The following ZNF845 variants were observed in gnomAD, a reference collection of about 807,000 sequenced individuals.
The protein encoded by ZNF845 is zinc finger protein 845.
Under a neutral mutation model 76.1 loss-of-function variants are expected in ZNF845, and 59 were observed. The ratio of observed to expected loss-of-function variants is 0.78; its 90% CI spans 0.63 to 0.96. The LOEUF (loss-of-function observed/expected upper bound fraction) is 0.96, where lower values mean the gene tolerates loss of function less well. Ranked by LOEUF, ZNF845 falls within the 40% of genes least tolerant of loss-of-function variation. The probability of loss-of-function intolerance (pLI) is 0.00; values close to 1 mark genes in which losing one functional copy is unlikely to be tolerated. For missense variants in ZNF845, 1,045 were observed against 1,172.8 expected (o/e 0.89, Z 1.59); for synonymous variants, 361 against 386.9 (o/e 0.93, Z 0.78).
chr19:53,335,267 A>G (rs1391274389), intron 1 of ZNF845, among the ~76,000 whole-genome samples: 5 of 151,970 alleles, frequency 3.3e-5, no homozygotes, highest in African/African-American at 1.2e-4. Context: ...TTAATTAATT[A>G]ATTTATAGTT....
In ZNF845 at chr19:53,351,140, G is replaced by T. The variant is rs763776334; in HGVS notation, c.465G>T (p.Gln155His). 6.2e-6 allele frequency: 10 copies of T among 1,614,186 alleles called. No homozygotes were observed. In the Admixed American group the frequency reaches 1.5e-4, roughly 24 times the overall value. ...ATCTGCCTGAACTCCACATGTTTCAGACCGAAGGGAAAATTGGTAATCAAG... is the reference window on the plus strand; with the variant it reads ...ATCTGCCTGAACTCCACATGTTTCATACCGAAGGGAAAATTGGTAATCAAG... ...HSHLPELHMF[Q>H]TEGKIGNQVE... Residue 155 changes from glutamine (Q) to histidine (H), a missense_variant, in exon 4 of 4, where the codon CAG (glutamine) becomes CAT (histidine). Gln to His is a conservative substitution (Grantham distance 24). Transcript: ENST00000458035.
chr19:53,342,781 C>T (rs752330479), intron 2 of ZNF845, among the ~76,000 whole-genome samples: 2 of 152,126 alleles, frequency 1.3e-5, no homozygotes, highest in South Asian at 4.1e-4. Context: ...ATTATTTCAT[C>T]ACTCTGCTAT....
At position 53,337,609 on chromosome 19, in the gene ZNF845, C is replaced by G. The variant is rs145123326; in HGVS notation, c.-73-3626C>G. Among the ~76,000 whole-genome samples, 3 of 152,144 alleles carry G rather than the reference C, an allele frequency of 2.0e-5. No homozygotes were observed. In the East Asian group the frequency reaches 5.8e-4, roughly 29 times the overall value. ...TTTACTTTTGAGTTTCAATCTGTCT[C>G]CCAGGCTGGAGTGCAGTGGCGTAAT... is the stretch of plus-strand genomic sequence containing the variant. On this transcript the variant is annotated intron_variant, in intron 1 of 3. Coordinates refer to ENST00000458035, the MANE Select transcript of ZNF845 (RefSeq NM_138374.3).
At chr19:53,345,979 G>T (rs2085293801) in intron 3 of ZNF845, among the ~76,000 whole-genome samples, 1 of 151,986 alleles carries the variant, frequency 6.6e-6, no homozygotes, top group Admixed American at 6.6e-5. Flanking sequence ...GAGTAGCTGG[G>T]ATTACAGGTG....
At position 53,341,218 on chromosome 19, in the gene ZNF845, A is replaced by G; in HGVS notation, c.-73-17A>G. The G allele has an allele frequency of 2.6e-6, 4 of 1,561,192 alleles. No individual in the cohort carries two copies. The highest frequency in any genetic ancestry group is 2.2e-5 in the South Asian group (2 of 89,904). On this transcript the variant is annotated splice_polypyrimidine_tract_variant and intron_variant, in intron 1 of 3. Coordinates refer to ENST00000458035, the MANE Select transcript of ZNF845 (RefSeq NM_138374.3). ...GTGTTGATTCTGAGCAATAAACAAC[A>G]TATTTTTAACATTCAGGATTGACTT...
Position 53,352,380 on chromosome 19 carries a change from C to T in ZNF845, c.1705C>T (p.His569Tyr), listed in dbSNP as rs2085346388. Residue 569 changes from histidine (H) to tyrosine (Y), a missense_variant, in exon 4 of 4, where the codon CAT (histidine) becomes TAT (tyrosine). By Grantham distance (83) the His-to-Tyr change is moderately conservative. Transcript: ENST00000458035. ...TCGTGGGCAGTCAGCACTTATTTAC[C>T]ATCAAGCAATCCATGGTATAGGGAA... ...AFRGQSALIY[H>Y]QAIHGIGKLY... The T allele has an allele frequency of 6.2e-7, 1 of 1,613,666 alleles. No homozygotes were observed. Among genetic ancestry groups the T allele is most frequent in the Admixed American group, 1.7e-5 (1 of 59,990 alleles).
At chr19:53,344,478 C>T (rs1409480252) in intron 2 of ZNF845, among the ~76,000 whole-genome samples, 1 of 151,926 alleles carries the variant, frequency 6.6e-6, no homozygotes, top group East Asian at 1.9e-4. Context: ...GTGGAGGTTG[C>T]AGTGAACTGA....
At chr19:53,339,396 A>C (rs1403745548) in intron 1 of ZNF845, among the ~76,000 whole-genome samples, 1 of 152,138 alleles carries the variant, frequency 6.6e-6, no homozygotes, top group Non-Finnish European at 1.5e-5. Context: ...CTAGAATGAC[A>C]AAGTTGATGC....
Position 53,352,419 on chromosome 19 carries a change from A to G in ZNF845, c.1744A>G (p.Asn582Asp), listed in dbSNP as rs765901481. 2.1e-4 allele frequency: 344 copies of G among 1,613,972 alleles called. No individual in the cohort carries two copies. Among genetic ancestry groups the G allele is most frequent in the East Asian group, 9.8e-4 (44 of 44,876 alleles). ...TGGTATAGGGAAACTTTACAAATGT[A>G]ATGATTGTCACCAAGTCTTTAGTAA... is the stretch of plus-strand genomic sequence containing the variant. ...IHGIGKLYKC[N>D]DCHQVFSNAT... Residue 582 changes from asparagine to aspartate, a missense_variant, in exon 4 of 4, where the codon AAT becomes GAT. Asn to Asp is a conservative substitution (Grantham distance 23, BLOSUM62 1). Transcript: ENST00000458035.
At position 53,355,339 on chromosome 19, in the gene ZNF845, C is replaced by G. The variant is rs1217393318; in HGVS notation, c.*1751C>G. The G allele has an allele frequency of 1.3e-5, 2 of 152,028 alleles. No homozygotes were observed. Among genetic ancestry groups the G allele is most frequent in the African/African-American group, 4.8e-5 (2 of 41,374 alleles). The allele number at this position is 152,028 out of a possible 1,614,324, so 9.4% of individuals were successfully genotyped here. ...CTTTGCTCACTGCAACCTCTGTCTC[C>G]CACGTCCAAGCAATTCTGTCTCAGC... On this transcript the variant is annotated 3_prime_UTR_variant, in exon 4 of 4. Coordinates refer to ENST00000458035, the MANE Select transcript of ZNF845 (RefSeq NM_138374.3).
In ZNF845 at chr19:53,351,224, G is replaced by A; in HGVS notation, c.549G>A (p.Arg183=). 1.9e-6 allele frequency: 3 copies of A among 1,614,158 alleles called. No individual in the cohort carries two copies. Among genetic ancestry groups the A allele is most frequent in the Non-Finnish European group, 2.5e-6 (3 of 1,180,036 alleles). The change falls in exon 4 of 4, where the codon AGG becomes AGA. Residue 183 remains arginine (R), a synonymous_variant. Transcript: ENST00000458035. ...CAACATCCCAAAGAATTTCTTGTAG[G>A]CCTAAAACCCACATTTCTAAGAACT... ...LVSTSQRISC[R]PKTHISKNYG...
chr19:53,338,275 G>A (rs2085230056), intron 1 of ZNF845, among the ~76,000 whole-genome samples: 1 of 152,176 alleles, frequency 6.6e-6, no homozygotes, highest in Non-Finnish European at 1.5e-5. Flanking sequence ...AGGTCAGAAA[G>A]CCCTACAGAC....
Position 53,345,619 on chromosome 19 carries a change from C to G in ZNF845, c.129C>G (p.Asn43Lys). 1 of 1,613,664 alleles carries G rather than the reference C, an allele frequency of 6.2e-7. No individual in the cohort carries two copies. ...YRDVMLENYR[N>K]LVSLDISSKC... ...ACGTGATGCTGGAGAATTATAGGAA[C>G]CTGGTCTCCCTGGGTGAGGATAACT... Residue 43 changes from asparagine (N) to lysine (K), a missense_variant, in exon 3 of 4, where the codon AAC (asparagine) becomes AAG (lysine). By Grantham distance (94) the Asn-to-Lys change is moderately conservative. Transcript: ENST00000458035.
At chr19:53,346,636 A>G (rs1345856081) in intron 3 of ZNF845, among the ~76,000 whole-genome samples, 1 of 152,252 alleles carries the variant, frequency 6.6e-6, no homozygotes, top group Non-Finnish European at 1.5e-5. Context: ...AACCAAGATC[A>G]TGCCACTGCA....
At chr19:53,344,628 AT>A (rs1355497944) in intron 2 of ZNF845, among the ~76,000 whole-genome samples, 1 of 148,400 alleles carries the variant, frequency 6.7e-6, no homozygotes, top group Non-Finnish European at 1.5e-5. Flanking sequence ...ATTTTATTTT[AT>A]TTTATTTTAT....
Position 53,338,694 on chromosome 19 carries a change from GCACACACACACACACACA to G in ZNF845, c.-73-2531_-73-2514del, listed in dbSNP as rs57616883. ...TTTCCTTGCCTGTCACAACACGTGA[GCACACACACACACACACA>G]CACACACACGCACACACACACTCCC... is the stretch of plus-strand genomic sequence containing the variant. On this transcript the variant is annotated intron_variant, in intron 1 of 3. Coordinates refer to ENST00000458035, the MANE Select transcript of ZNF845 (RefSeq NM_138374.3). Among the ~76,000 whole-genome samples, 8 of 140,448 alleles carry G rather than the reference GCACACACACACACACACA, an allele frequency of 5.7e-5. No individual in the cohort carries two copies. In the East Asian group the frequency reaches 1.2e-3, roughly 21 times the overall value. 92.1% of individuals were successfully genotyped at this position (140,448 alleles called of 152,430 possible).
At chr19:53,348,910 G>A (rs1339025460) in intron 3 of ZNF845, among the ~76,000 whole-genome samples, 3 of 134,886 alleles carry the variant, frequency 2.2e-5, no homozygotes, top group Non-Finnish European at 4.6e-5. Context: ...AGGCTGGAGT[G>A]CAGTGATGCG....
chr19:53,349,417 A>G (rs1476694780), intron 3 of ZNF845, among the ~76,000 whole-genome samples: 1 of 150,478 alleles, frequency 6.6e-6, no homozygotes, highest in Non-Finnish European at 1.5e-5. Flanking sequence ...GCCACCCGCC[A>G]TCACACCCGG....
In ZNF845 at chr19:53,351,685, G is replaced by C. The variant is rs749150652; in HGVS notation, c.1010G>C (p.Ser337Thr). ...YKCNECGKTF[S>T]QTSYLVYHRR... Reference sequence around the variant, plus strand: ...TGTAATGAATGTGGCAAGACCTTCAGTCAAACGTCATACCTTGTGTACCAT... The same window carrying C: ...TGTAATGAATGTGGCAAGACCTTCACTCAAACGTCATACCTTGTGTACCAT... The change falls in exon 4 of 4, where the codon AGT becomes ACT. Residue 337 changes from serine to threonine, a missense_variant. Physicochemically the swap from Ser to Thr is moderately conservative, Grantham distance 58 (BLOSUM62 1). Coordinates refer to ENST00000458035, the MANE Select transcript of ZNF845 (RefSeq NM_138374.3). 2 of 1,613,980 alleles carry C rather than the reference G, an allele frequency of 1.2e-6. No individual in the cohort carries two copies. Among genetic ancestry groups the C allele is most frequent in the Non-Finnish European group, 1.7e-6 (2 of 1,179,944 alleles).
Sources: allele counts gnomAD v4.1 joint callset (sites outside exome capture counted in the v4.1 genomes callset), GRCh38; gene constraint gnomAD v4.1.1; transcripts MANE v1.5; gene names NCBI Gene and HGNC (gene_info 2026-07-23, HGNC 2026-07-21).